The following ZNF609 variants were observed in gnomAD, a reference collection of about 807,000 sequenced individuals.
ZNF609 encodes the protein zinc finger protein 609.
In ZNF609, 11 loss-of-function variants were observed where a neutral mutation model predicts 109.5. The ratio of observed to expected loss-of-function variants is 0.10; its 90% CI spans 0.06 to 0.17. ZNF609 has a LOEUF of 0.17. ZNF609 is among the 10% of genes least tolerant of loss of function. The pLI, the probability that ZNF609 is intolerant of heterozygous loss-of-function variation, is 1.00. For synonymous variants in ZNF609, 646 were observed against 662.0 expected, an observed-to-expected ratio of 0.98 and a Z score of 0.37; for missense variants, 1,559 against 1,772.4, an observed-to-expected ratio of 0.88 and a Z score of 2.16.
chr15:64,594,333 A>C (rs1895353882), intron 2 of ZNF609, among the ~76,000 whole-genome samples: 1 of 150,792 alleles, frequency 6.6e-6, no homozygotes, highest in Non-Finnish European at 1.5e-5. Context: ...AGAATGCTCA[A>C]AATTTTTTTT....
At chr15:64,681,654 G>A (rs888693228) in intron 9 of ZNF609, 38 bp from the exon 10 acceptor site, 3 of 364,130 alleles carry the variant, frequency 8.2e-6, no homozygotes, top group Non-Finnish European at 1.5e-5. Flanking sequence ...TTACCAACAG[G>A]CTGAGTGCCT....
At chr15:64,497,927 G>T (rs1893507919) in intron 1 of ZNF609, among the ~76,000 whole-genome samples, 1 of 151,458 alleles carries the variant, frequency 6.6e-6, no homozygotes, top group Admixed American at 6.6e-5. Flanking sequence ...TTTTTTAATG[G>T]ATAGAGAAAG....
chr15:64,561,396 T>C (rs556809232), intron 2 of ZNF609, among the ~76,000 whole-genome samples: 3 of 152,250 alleles, frequency 2.0e-5, no homozygotes, highest in South Asian at 4.2e-4. Context: ...AGTTTTAATA[T>C]AGCAAACCAA....
At chr15:64,566,064 G>A (rs1894772159) in intron 2 of ZNF609, among the ~76,000 whole-genome samples, 1 of 151,968 alleles carries the variant, frequency 6.6e-6, no homozygotes, top group Admixed American at 6.6e-5. Flanking sequence ...GGGCCAGGCT[G>A]GTCTCAAACT....
At chr15:64,599,839 T>C (rs1372274323) in intron 2 of ZNF609, among the ~76,000 whole-genome samples, 1 of 152,230 alleles carries the variant, frequency 6.6e-6, no homozygotes, top group Non-Finnish European at 1.5e-5. Context: ...CTGTGTGCCT[T>C]TGAAGAGGCT....
At chr15:64,568,300 C>T (rs923039086) in intron 2 of ZNF609, among the ~76,000 whole-genome samples, 5 of 152,148 alleles carry the variant, frequency 3.3e-5, no homozygotes, top group African/African-American at 4.8e-5. Flanking sequence ...TTTCTCCTCA[C>T]TCCAGTAACC....
At chr15:64,678,740 C>T (rs1478344592) in intron 6 of ZNF609, among the ~76,000 whole-genome samples, 6 of 152,202 alleles carry the variant, frequency 3.9e-5, no homozygotes, top group Non-Finnish European at 7.3e-5. Flanking sequence ...GTTTTCATTG[C>T]TAACTAAAGG....
chr15:64,583,080 C>T (rs1223849731), intron 2 of ZNF609, among the ~76,000 whole-genome samples: 1 of 151,148 alleles, frequency 6.6e-6, no homozygotes, highest in Non-Finnish European at 1.5e-5. Flanking sequence ...GTTGCCCAGG[C>T]TTGAGTGCAG....
chr15:64,561,814 C>T (rs1259076429), intron 2 of ZNF609, among the ~76,000 whole-genome samples: 1 of 152,086 alleles, frequency 6.6e-6, no homozygotes, highest in Non-Finnish European at 1.5e-5. Context: ...TGCTATGTTT[C>T]CACTCCTGAA....
chr15:64,603,270 A>AT (rs540033727), intron 2 of ZNF609, among the ~76,000 whole-genome samples: 8,305 of 125,804 alleles, frequency 0.066, 719 homozygotes, highest in African/African-American at 0.21. Context: ...ACTGAGTCCT[A>AT]TTTTTTTTTT....
At chr15:64,511,038 G>A (rs1893719954) in intron 2 of ZNF609, among the ~76,000 whole-genome samples, 1 of 146,452 alleles carries the variant, frequency 6.8e-6, no homozygotes, top group Non-Finnish European at 1.5e-5. Flanking sequence ...TTTATAAACT[G>A]GTACCTAACT....
intron 2 of ZNF609, among the ~76,000 whole-genome samples, chr15:64,553,269 TAA>T (rs111971556): frequency 0.19 from 27,017 of 140,482 alleles, 3,354 homozygotes; most frequent in South Asian, 0.44. Flanking sequence ...GTCCATGCCT[TAA>T]AAAAAAAAAA....
At chr15:64,607,943 G>C (rs1234804597) in intron 2 of ZNF609, among the ~76,000 whole-genome samples, 2 of 118,102 alleles carry the variant, frequency 1.7e-5, no homozygotes, top group East Asian at 5.8e-4. Context: ...CTGTTGCCCG[G>C]GCTAGAGTAG....
chr15:64,678,961 C>G (rs1452107214), intron 6 of ZNF609, among the ~76,000 whole-genome samples: 2 of 152,214 alleles, frequency 1.3e-5, no homozygotes, highest in Non-Finnish European at 2.9e-5. Context: ...GATTCAGTTG[C>G]CAGATCATGT....
chr15:64,586,781 G>A (rs1328315332), intron 2 of ZNF609, among the ~76,000 whole-genome samples: 1 of 152,132 alleles, frequency 6.6e-6, no homozygotes, highest in Non-Finnish European at 1.5e-5. Flanking sequence ...CAGAGTTAAA[G>A]ACAGCAAAAA....
intron 1 of ZNF609, among the ~76,000 whole-genome samples, chr15:64,464,149 C>T (rs1413047202): frequency 6.6e-6 from 1 of 152,118 alleles, no homozygotes; most frequent in East Asian, 1.9e-4. Flanking sequence ...ATTTTGGCTC[C>T]TGGTAGCAAT....
At chr15:64,661,663 A>T (rs886710634) in intron 3 of ZNF609, among the ~76,000 whole-genome samples, 1 of 152,150 alleles carries the variant, frequency 6.6e-6, no homozygotes, top group Non-Finnish European at 1.5e-5. Context: ...TCTTATGCTG[A>T]GGGCAAGCAT....
chr15:64,661,118 T>C (rs1355207533), intron 3 of ZNF609, among the ~76,000 whole-genome samples: 3 of 152,022 alleles, frequency 2.0e-5, no homozygotes, highest in African/African-American at 4.8e-5. Flanking sequence ...TGTGCCACCA[T>C]GTCTGGCTAA....
intron 1 of ZNF609, among the ~76,000 whole-genome samples, chr15:64,464,148 C>T (rs954164993): frequency 2.0e-5 from 3 of 152,126 alleles, no homozygotes; most frequent in Admixed American, 1.3e-4. Context: ...AATTTTGGCT[C>T]CTGGTAGCAA....
Sources: allele counts gnomAD v4.1 joint callset (sites outside exome capture counted in the v4.1 genomes callset), GRCh38; gene constraint gnomAD v4.1.1; transcripts MANE v1.5; gene names NCBI Gene and HGNC (gene_info 2026-07-23, HGNC 2026-07-21).